Variants in OR3A3 observed in about 807,000 individuals in gnomAD.
OR3A3 encodes olfactory receptor 3A3.
For missense variants in OR3A3, 275 were observed against 391.4 expected (o/e 0.70, Z 2.51); for synonymous variants, 103 against 163.9 (o/e 0.63, Z 2.84).
exon 3 of OR3A3, chr17:3,421,468 C>G (rs1215823706): frequency 1.3e-6 from 2 of 1,576,134 alleles, no homozygotes; most frequent in Non-Finnish European, 1.7e-6. Context: ...TATCTACAGC[C>G]TCAGAAATAC....
intron 2 of OR3A3, among the ~76,000 whole-genome samples, chr17:3,418,517 T>G (rs1164227444): frequency 2.6e-5 from 4 of 152,204 alleles, no homozygotes; most frequent in Non-Finnish European, 5.9e-5. Flanking sequence ...CTCCTCTGCT[T>G]CTCAGATCCA....
At chr17:3,413,491 T>A (rs183606504) in intron 2 of OR3A3, among the ~76,000 whole-genome samples, 1 of 152,190 alleles carries the variant, frequency 6.6e-6, no homozygotes, top group South Asian at 2.1e-4. Context: ...AGATGATTTC[T>A]TCCCACTCCC....
Position 3,413,261 on chromosome 17 carries a change from G to A in OR3A3, c.-7+1090G>A, listed in dbSNP as rs115133300. On this transcript the variant is annotated intron_variant, in intron 2 of 2. Transcript: ENST00000641141. ...GAGAGACAGGCAGGAGTGAGAGGGA[G>A]AGTGATCCTTTTGAGATGGGAAAGT... Among the ~76,000 whole-genome samples, 138 of 152,230 alleles carry A rather than the reference G, an allele frequency of 9.1e-4. 1 individual carries two copies. Among genetic ancestry groups the A allele is most frequent in the African/African-American group, 2.6e-3 (109 of 41,548 alleles).
chr17:3,418,945 A>G (rs16953022), intron 2 of OR3A3, among the ~76,000 whole-genome samples: 18 of 152,158 alleles, frequency 1.2e-4, no homozygotes, highest in Non-Finnish European at 1.5e-5. Flanking sequence ...TGGTCAATCT[A>G]CCATGCCTGA....
chr17:3,419,922 A>C lies in OR3A3; in HGVS notation c.-6-658A>C, dbSNP rs537638714. ...CTGGGACTACAGGCGCCTGCCACCA[A>C]GCCCGGCTGATTTTTTTTGTATTTT... On this transcript the variant is annotated intron_variant, in intron 2 of 2. Transcript: ENST00000641141. 4.9e-4 allele frequency among the ~76,000 whole-genome samples: 74 copies of C among 151,546 alleles called. No individual in the cohort carries two copies. In the East Asian group the frequency reaches 7.6e-3, roughly 16 times the overall value.
chr17:3,420,647 T>C (rs1055088430), exon 3 of OR3A3: 2 of 1,525,618 alleles, frequency 1.3e-6, no homozygotes, highest in Admixed American at 4.1e-5. Context: ...CTGGGCCTAG[T>C]GCAAACAGAA....
intron 2 of OR3A3, among the ~76,000 whole-genome samples, chr17:3,412,486 C>A (rs567864306): frequency 6.8e-6 from 1 of 146,930 alleles, no homozygotes; most frequent in Admixed American, 6.9e-5. Context: ...TCATGTTGGG[C>A]GCGTGAGGGA....
At chr17:3,416,285 T>C (rs1055986959) in intron 2 of OR3A3, among the ~76,000 whole-genome samples, 1 of 152,194 alleles carries the variant, frequency 6.6e-6, no homozygotes, top group African/African-American at 2.4e-5. Context: ...ATTAATACAT[T>C]TTCTCATTTT....
intron 2 of OR3A3, among the ~76,000 whole-genome samples, chr17:3,413,509 G>A (rs1382532256): frequency 1.3e-5 from 2 of 152,062 alleles, no homozygotes; most frequent in Admixed American, 6.6e-5. Flanking sequence ...CCCAAGTCAT[G>A]TGATCTTAGA....
chr17:3,421,407 T>A, exon 3 of OR3A3: 1 of 1,613,834 alleles, frequency 6.2e-7, no homozygotes, highest in Non-Finnish European at 8.5e-7. Flanking sequence ...CAGACAAGGA[T>A]AAGGGGGTTG....
intron 2 of OR3A3, among the ~76,000 whole-genome samples, chr17:3,419,984 G>T: frequency 6.6e-6 from 1 of 152,050 alleles, no homozygotes; most frequent in Non-Finnish European, 1.5e-5. Flanking sequence ...AGCCAGGATG[G>T]TCTCAATCTC....
At chr17:3,421,199 C>T (rs1224839372) in exon 3 of OR3A3, 2 of 1,614,232 alleles carry the variant, frequency 1.2e-6, no homozygotes, top group Non-Finnish European at 1.7e-6. Context: ...CTCTTTGTAG[C>T]AGCAGCCTTC....
chr17:3,419,968 T>C (rs140601039), intron 2 of OR3A3, among the ~76,000 whole-genome samples: 17,777 of 151,954 alleles, frequency 0.12, 1,084 homozygotes, highest in African/African-American at 0.16. Context: ...GGGGTTTCGC[T>C]GTGTTAGCCA....
At chr17:3,413,349 G>A (rs952200638) in intron 2 of OR3A3, among the ~76,000 whole-genome samples, 8 of 152,062 alleles carry the variant, frequency 5.3e-5, no homozygotes, top group South Asian at 2.1e-4. Flanking sequence ...TTTGGGAAGT[G>A]GACTTGGAGG....
At chr17:3,423,590 C>A (rs1048596357) in exon 3 of OR3A3, 2 of 152,000 alleles carry the variant, frequency 1.3e-5, no homozygotes, top group Non-Finnish European at 2.9e-5. Context: ...AAATAAAAAT[C>A]CAATTATTCC....
intron 2 of OR3A3, among the ~76,000 whole-genome samples, chr17:3,414,754 A>C (rs886328370): frequency 6.6e-6 from 1 of 152,144 alleles, no homozygotes; most frequent in African/African-American, 2.4e-5. Context: ...AGCCTGGGAG[A>C]GCTGCTGTCT....
At chr17:3,421,680 T>C in exon 3 of OR3A3, 1 of 749,804 alleles carries the variant, frequency 1.3e-6, no homozygotes, top group African/African-American at 1.7e-5. Context: ...AAACCCTATA[T>C]AATTCATTCA....
chr17:3,416,599 T>G (rs774784960), intron 2 of OR3A3, among the ~76,000 whole-genome samples: 2 of 152,154 alleles, frequency 1.3e-5, no homozygotes, highest in Non-Finnish European at 2.9e-5. Context: ...TATAGTAGTC[T>G]GTTTAGATTT....
chr17:3,421,049 C>T (rs1408026686), exon 3 of OR3A3: 6 of 1,614,160 alleles, frequency 3.7e-6, no homozygotes, highest in Non-Finnish European at 5.1e-6. Flanking sequence ...TGGGCTTGTG[C>T]CTTCACCAAC....
Sources: allele counts gnomAD v4.1 joint callset (sites outside exome capture counted in the v4.1 genomes callset), GRCh38; gene constraint gnomAD v4.1.1; transcripts MANE v1.5; gene names NCBI Gene and HGNC (gene_info 2026-07-23, HGNC 2026-07-21).